ACTN4: variants seen among roughly 807,000 people sequenced by gnomAD.
The protein encoded by ACTN4 is actinin alpha 4.
Under a neutral mutation model 114.2 loss-of-function variants are expected in ACTN4, and 18 were observed. The observed-to-expected ratio is 0.16, with a 90% confidence interval of 0.11 to 0.23. The LOEUF is 0.23. Ranked by LOEUF, ACTN4 falls within the 10% of genes least tolerant of loss-of-function variation. The pLI is 1.00. For synonymous variants in ACTN4, 515 were observed against 506.3 expected, an observed-to-expected ratio of 1.02 and a Z score of -0.23; for missense variants, 722 against 1,262.9, an observed-to-expected ratio of 0.57 and a Z score of 6.49.
chr19:38,720,304 T>C (rs757614282), intron 11 of ACTN4, among the ~76,000 whole-genome samples: 2 of 152,004 alleles, frequency 1.3e-5, no homozygotes, highest in Non-Finnish European at 2.9e-5. Flanking sequence ...TTGGCCTGGA[T>C]CCCAGATAGC....
intron 1 of ACTN4, among the ~76,000 whole-genome samples, chr19:38,648,771 T>C (rs1441458557): frequency 6.6e-6 from 1 of 151,508 alleles, no homozygotes; most frequent in Non-Finnish European, 1.5e-5. Context: ...GTAGAGGGGA[T>C]ACGGAGAGTG....
At chr19:38,663,046 A>G (rs1412704489) in intron 1 of ACTN4, among the ~76,000 whole-genome samples, 1 of 151,894 alleles carries the variant, frequency 6.6e-6, no homozygotes, top group Non-Finnish European at 1.5e-5. Flanking sequence ...AGTAGCTGGG[A>G]TTACAGGTGC....
At chr19:38,662,909 G>GTT (rs377341870) in intron 1 of ACTN4, among the ~76,000 whole-genome samples, 96 of 142,256 alleles carry the variant, frequency 6.7e-4, no homozygotes, top group Non-Finnish European at 9.7e-4. Context: ...AAGTGGGTCT[G>GTT]TTTTTTTTTT....
At position 38,705,130 on chromosome 19, in the gene ACTN4, C is replaced by T. The variant is rs1009703059; in HGVS notation, c.484+110C>T. 72 of 1,047,694 alleles carry T rather than the reference C, an allele frequency of 6.9e-5. No individual in the cohort carries two copies. The Middle Eastern group carries it at 1.0e-3, about 15-fold the overall frequency. 64.9% of individuals were successfully genotyped at this position (1,047,694 alleles called of 1,614,324 possible). A position where few individuals can be genotyped will look rare whatever the true frequency, so the allele number is the denominator to read the frequency against. ...GCCTCTTCCTGTTTCCTTGGGGTCACTCACAGGGCCTGGCCCTTGCAGGGG... is the reference window on the plus strand; with the variant it reads ...GCCTCTTCCTGTTTCCTTGGGGTCATTCACAGGGCCTGGCCCTTGCAGGGG... On this transcript the variant is annotated intron_variant, in intron 4 of 20. Transcript: ENST00000252699.
At chr19:38,648,276 G>T in intron 1 of ACTN4, 1 of 187,068 alleles carries the variant, frequency 5.3e-6, no homozygotes, top group East Asian at 1.3e-4. Flanking sequence ...AGCATGGGTT[G>T]GGGGTGCTGG....
chr19:38,661,162 C>T (rs1976874782), intron 1 of ACTN4, among the ~76,000 whole-genome samples: 1 of 152,194 alleles, frequency 6.6e-6, no homozygotes, highest in Admixed American at 6.5e-5. Context: ...CAACTTGCGC[C>T]TGCAAACTCA....
chr19:38,712,247 G>GC (rs1555835799), intron 8 of ACTN4, among the ~76,000 whole-genome samples: 1 of 135,186 alleles, frequency 7.4e-6, no homozygotes, highest in Non-Finnish European at 1.7e-5. Context: ...AAAACTAGAA[G>GC]GGGGGGGCCG....
chr19:38,708,089 C>T, intron 5 of ACTN4, 28 bp from the exon 6 acceptor site: 3 of 1,613,046 alleles, frequency 1.9e-6, no homozygotes, highest in East Asian at 2.2e-5. Flanking sequence ...AGCGGGCCCT[C>T]CTATAACCTT....
At chr19:38,705,096 A>T in intron 4 of ACTN4, 76 bp downstream of exon 4, 2 of 1,345,444 alleles carry the variant, frequency 1.5e-6, no homozygotes, top group East Asian at 4.6e-5. Context: ...TGTGATCTTC[A>T]TGCTTCAAGC....
chr19:38,692,929 G>T (rs1424272619), intron 1 of ACTN4, among the ~76,000 whole-genome samples: 1 of 152,084 alleles, frequency 6.6e-6, no homozygotes, highest in African/African-American at 2.4e-5. Context: ...AACCCTACAC[G>T]GTATTTCAGA....
intron 1 of ACTN4, among the ~76,000 whole-genome samples, chr19:38,681,097 G>A (rs1275001091): frequency 1.6e-5 from 2 of 126,670 alleles, no homozygotes; most frequent in South Asian, 2.7e-4. Flanking sequence ...CTGTACTCTA[G>A]CCTGGGTGAC....
chr19:38,720,554 G>A (rs1274213599), intron 11 of ACTN4, among the ~76,000 whole-genome samples: 1 of 152,266 alleles, frequency 6.6e-6, no homozygotes, highest in Non-Finnish European at 1.5e-5. Context: ...AGCCGATCCT[G>A]TGGGGAGTCT....
At chr19:38,678,710 T>G (rs1967455132) in intron 1 of ACTN4, among the ~76,000 whole-genome samples, 1 of 152,210 alleles carries the variant, frequency 6.6e-6, no homozygotes, top group Non-Finnish European at 1.5e-5. Flanking sequence ...CTTTGTCTCC[T>G]GTGTCCCTCC....
chr19:38,677,570 G>GC (rs1421010425), intron 1 of ACTN4, among the ~76,000 whole-genome samples: 4 of 151,804 alleles, frequency 2.6e-5, no homozygotes, highest in Non-Finnish European at 5.9e-5. Context: ...GACCGCCCAG[G>GC]CCCCACTCAC....
At chr19:38,687,033 G>A (rs542750762) in intron 1 of ACTN4, among the ~76,000 whole-genome samples, 5 of 148,170 alleles carry the variant, frequency 3.4e-5, no homozygotes, top group Non-Finnish European at 5.9e-5. Flanking sequence ...GCACAATCTC[G>A]GCTCACTGCA....
intron 17 of ACTN4, among the ~76,000 whole-genome samples, chr19:38,726,644 G>GT (rs1180674187): frequency 6.6e-6 from 1 of 152,118 alleles, no homozygotes; most frequent in Non-Finnish European, 1.5e-5. Flanking sequence ...TGGCTTTTTT[G>GT]TTTTTTTCCC....
At chr19:38,673,669 T>TA (rs1433989894) in intron 1 of ACTN4, among the ~76,000 whole-genome samples, 11 of 62,070 alleles carry the variant, frequency 1.8e-4, no homozygotes, top group East Asian at 2.3e-4. Context: ...ATATATTATA[T>TA]ATATTTATAT....
chr19:38,655,309 T>C (rs1458058270), intron 1 of ACTN4, among the ~76,000 whole-genome samples: 1 of 152,190 alleles, frequency 6.6e-6, no homozygotes, highest in African/African-American at 2.4e-5. Context: ...CCCCCCAGGC[T>C]TGAGGCCTGC....
In ACTN4 at chr19:38,697,378, T is replaced by C. The variant is rs968282992; in HGVS notation, c.163-3222T>C. Among the ~76,000 whole-genome samples, 21 of 152,248 alleles carry C rather than the reference T, an allele frequency of 1.4e-4. 1 individual carries two copies. The highest frequency in any genetic ancestry group is 4.4e-5 in the Non-Finnish European group (3 of 68,042). ...ATGTGCGTGTGTACATGCACACACA[T>C]GCGTGTGATTCATCTGGCTCTTACT... is the stretch of plus-strand genomic sequence containing the variant. On this transcript the variant is annotated intron_variant, in intron 1 of 20. Coordinates refer to ENST00000252699, the MANE Select transcript of ACTN4 (RefSeq NM_004924.6).
Sources: allele counts gnomAD v4.1 joint callset (sites outside exome capture counted in the v4.1 genomes callset), GRCh38; gene constraint gnomAD v4.1.1; transcripts MANE v1.5; gene names NCBI Gene and HGNC (gene_info 2026-07-23, HGNC 2026-07-21).